The following RAP1GAP2 variants were observed in gnomAD, a reference collection of about 807,000 sequenced individuals.
RAP1GAP2 encodes rap1 GTPase-activating protein 2.
Under a neutral mutation model 95.0 loss-of-function variants are expected in RAP1GAP2, and 27 were observed. The ratio of observed to expected loss-of-function variants is 0.28; its 90% CI spans 0.21 to 0.39. The LOEUF is 0.39. Among genes scored for constraint, RAP1GAP2 ranks in the 10% least tolerant of loss-of-function variants. RAP1GAP2 has a pLI of 1.00. For synonymous variants in RAP1GAP2, 373 were observed against 380.9 expected, an observed-to-expected ratio of 0.98 and a Z score of 0.24; for missense variants, 771 against 970.0, an observed-to-expected ratio of 0.79 and a Z score of 2.72.
At chr17:2,845,965 C>T (rs191972181) in intron 2 of RAP1GAP2, among the ~76,000 whole-genome samples, 290 of 151,632 alleles carry the variant, frequency 1.9e-3, no homozygotes, top group Non-Finnish European at 3.1e-3. Context: ...GGGTGAATTC[C>T]GAGGTGAGGA....
chr17:3,012,353 C>T (rs980323588), intron 17 of RAP1GAP2, among the ~76,000 whole-genome samples: 10 of 151,672 alleles, frequency 6.6e-5, no homozygotes, highest in African/African-American at 2.4e-4. Flanking sequence ...CGCGGTGGCT[C>T]ACGTCTGTAA....
chr17:3,011,588 C>T (rs370741336), intron 17 of RAP1GAP2, among the ~76,000 whole-genome samples: 1 of 151,434 alleles, frequency 6.6e-6, no homozygotes, highest in African/African-American at 2.4e-5. Flanking sequence ...AAGTTACAGG[C>T]CTTTATCTCT....
chr17:2,864,113 C>A (rs557686095), intron 2 of RAP1GAP2, among the ~76,000 whole-genome samples: 50 of 151,216 alleles, frequency 3.3e-4, no homozygotes, highest in Non-Finnish European at 5.4e-4. Context: ...TTGTCCCGTA[C>A]GTAGCAGCAT....
intron 3 of RAP1GAP2, among the ~76,000 whole-genome samples, chr17:2,920,494 G>T (rs2042725637): frequency 6.6e-6 from 1 of 152,206 alleles, no homozygotes; most frequent in Non-Finnish European, 1.5e-5. Flanking sequence ...TCCCCCGCTG[G>T]ATGGTGCTGG....
intron 1 of RAP1GAP2, among the ~76,000 whole-genome samples, chr17:2,756,050 G>T (rs893219074): frequency 6.6e-6 from 1 of 152,358 alleles, no homozygotes; most frequent in African/African-American, 2.4e-5. Flanking sequence ...TCCCGCGGGG[G>T]CGCCCTTTCC....
At chr17:2,814,370 G>T (rs1386753343) in intron 2 of RAP1GAP2, among the ~76,000 whole-genome samples, 1 of 152,142 alleles carries the variant, frequency 6.6e-6, no homozygotes, top group Non-Finnish European at 1.5e-5. Context: ...GTGCTGCTCT[G>T]CCCACAGGGA....
chr17:2,840,211 TGGAGTGCGGTGGC>T (rs2071311938), intron 2 of RAP1GAP2, among the ~76,000 whole-genome samples: 1 of 151,352 alleles, frequency 6.6e-6, no homozygotes, highest in Admixed American at 6.6e-5. Flanking sequence ...CCAGTGTCAC[TGGAGTGCGGTGGC>T]GCGATCTCGG....
chr17:2,892,644 T>C lies in RAP1GAP2; in HGVS notation c.81-12640T>C, dbSNP rs147666544. Among the ~76,000 whole-genome samples the C allele has an allele frequency of 4.9e-4, 74 of 152,336 alleles. No individual in the cohort carries two copies. The East Asian group carries it at 0.014, about 28-fold the overall frequency. Reference sequence around the variant, plus strand: ...CCTCTCCATGTTCCCAGCTGCAGCATTGACAGTCTCAGTCAGGCCTTTCAC... The same window carrying C: ...CCTCTCCATGTTCCCAGCTGCAGCACTGACAGTCTCAGTCAGGCCTTTCAC... On this transcript the variant is annotated intron_variant, in intron 2 of 24. Coordinates refer to ENST00000254695, the MANE Select transcript of RAP1GAP2 (RefSeq NM_015085.5).
At chr17:2,909,918 G>A (rs2042316715) in intron 3 of RAP1GAP2, among the ~76,000 whole-genome samples, 1 of 152,150 alleles carries the variant, frequency 6.6e-6, no homozygotes, top group Admixed American at 6.5e-5. Flanking sequence ...CTTTGTGACT[G>A]TCATTTGGGT....
chr17:3,006,123 T>G, intron 16 of RAP1GAP2, 82 bp downstream of exon 16: 1 of 457,700 alleles, frequency 2.2e-6, no homozygotes, highest in Non-Finnish European at 3.3e-6. Flanking sequence ...CCTCCATCTT[T>G]TTTTTTTTTT....
At position 3,008,012 on chromosome 17, in the gene RAP1GAP2, A is replaced by G. The variant is rs754195913; in HGVS notation, c.1361A>G (p.Asp454Gly). Residue 454 changes from aspartate to glycine, a missense_variant and splice_region_variant, in exon 17 of 25, where the codon GAC becomes GGC. Transcript: ENST00000254695. This position sits in a 1 kb window ranked among gnomAD's most constrained non-coding sequence, Gnocchi z 4.2. ...CATCCCCACCCTCTTCCCTTCTAGGACCGGACCAGGGCTGCCCTCCTGGAC... is the reference window on the plus strand; with the variant it reads ...CATCCCCACCCTCTTCCCTTCTAGGGCCGGACCAGGGCTGCCCTCCTGGAC... Reference protein sequence around the residue: ...CKSDKFAKLEDRTRAALLDNL... With the variant: ...CKSDKFAKLEGRTRAALLDNL... 6.2e-7 allele frequency: 1 copy of G among 1,613,746 alleles called. No individual in the cohort carries two copies. Among genetic ancestry groups the G allele is most frequent in the Non-Finnish European group, 8.5e-7 (1 of 1,179,782 alleles).
intron 3 of RAP1GAP2, among the ~76,000 whole-genome samples, chr17:2,936,628 A>G (rs941747559): frequency 1.6e-4 from 25 of 152,046 alleles, no homozygotes; most frequent in African/African-American, 5.8e-4. Context: ...GATGATCATG[A>G]GGGTCAAATG....
At chr17:2,764,516 T>C (rs1047418290) in intron 1 of RAP1GAP2, among the ~76,000 whole-genome samples, 4 of 151,644 alleles carry the variant, frequency 2.6e-5, no homozygotes, top group African/African-American at 9.7e-5. Flanking sequence ...AGGTCAGGGG[T>C]TTGAGACCAG....
At chr17:2,982,646 C>T (rs1025741906) in intron 10 of RAP1GAP2, among the ~76,000 whole-genome samples, 2 of 152,134 alleles carry the variant, frequency 1.3e-5, no homozygotes, top group African/African-American at 2.4e-5. Flanking sequence ...ACTGACCTCC[C>T]CTTTATAATT....
intron 10 of RAP1GAP2, 61 bp downstream of exon 10, chr17:2,981,309 G>T: frequency 4.1e-6 from 6 of 1,476,446 alleles, no homozygotes; most frequent in Non-Finnish European, 5.6e-6. Context: ...TTGCAGACCT[G>T]TGGCTCTTTG....
At chr17:3,012,554 G>A (rs542734741) in intron 17 of RAP1GAP2, among the ~76,000 whole-genome samples, 55 of 142,076 alleles carry the variant, frequency 3.9e-4, no homozygotes, top group Non-Finnish European at 7.4e-4. Flanking sequence ...GGAGGTGGAG[G>A]TTGCAGTGAG....
rs114068061 is a variant in RAP1GAP2, at chr17:2,890,339, C to T, written c.81-14945C>T. Among the ~76,000 whole-genome samples the T allele has an allele frequency of 1.7e-3, 253 of 152,304 alleles. 1 individual carries two copies. Among genetic ancestry groups the T allele is most frequent in the African/African-American group, 5.9e-3 (247 of 41,564 alleles). ...ATGCTGTAGTCTGTCCCCATTGAAA[C>T]TGTTATTTAGTTTGAACCAATGATG... is the stretch of plus-strand genomic sequence containing the variant. On this transcript the variant is annotated intron_variant, in intron 2 of 24. Coordinates refer to ENST00000254695, the MANE Select transcript of RAP1GAP2 (RefSeq NM_015085.5).
intron 1 of RAP1GAP2, 184 bp from the exon 2 acceptor site, chr17:2,800,331 C>T (rs774342473): frequency 2.1e-4 from 162 of 782,724 alleles, no homozygotes; most frequent in Non-Finnish European, 2.4e-4. Context: ...GTGTGTGGCC[C>T]CAGCTCTCCC....
chr17:2,873,908 ATG>A (rs779254150), intron 2 of RAP1GAP2, among the ~76,000 whole-genome samples: 39,150 of 151,444 alleles, frequency 0.26, 5,973 homozygotes, highest in East Asian at 0.63. Flanking sequence ...GATTACAGGC[ATG>A]CGCCACCACG....
Sources: allele counts gnomAD v4.1 joint callset (sites outside exome capture counted in the v4.1 genomes callset), GRCh38; gene constraint gnomAD v4.1.1; non-coding constraint Gnocchi (gnomAD v3.1); transcripts MANE v1.5; gene names NCBI Gene and HGNC (gene_info 2026-07-23, HGNC 2026-07-21).